The following GRM8 variants were observed in gnomAD, a reference collection of about 807,000 sequenced individuals.
GRM8 encodes glutamate metabotropic receptor 8.
Under a neutral mutation model 87.2 loss-of-function variants are expected in GRM8, and 47 were observed. The ratio of observed to expected loss-of-function variants is 0.54; its 90% CI spans 0.43 to 0.69. GRM8 has a LOEUF of 0.69. Among genes scored for constraint, GRM8 ranks in the 30% least tolerant of loss-of-function variants. The pLI is 0.00. For synonymous variants in GRM8, 396 were observed against 404.5 expected, an observed-to-expected ratio of 0.98 and a Z score of 0.25; for missense variants, 1,019 against 1,139.2, an observed-to-expected ratio of 0.89 and a Z score of 1.52.
intron 7 of GRM8, among the ~76,000 whole-genome samples, chr7:126,714,926 C>T (rs1193354205): frequency 6.6e-6 from 1 of 151,954 alleles, no homozygotes; most frequent in Non-Finnish European, 1.5e-5. Context: ...ATTCATAGAA[C>T]TGTATTGTAT....
intron 3 of GRM8, among the ~76,000 whole-genome samples, chr7:126,999,815 G>A (rs1317807834): frequency 6.6e-6 from 1 of 151,800 alleles, no homozygotes; most frequent in African/African-American, 2.4e-5. Context: ...AACTGCTATG[G>A]AGAACAGTGT....
intron 7 of GRM8, among the ~76,000 whole-genome samples, chr7:126,631,533 T>A (rs775508130): frequency 4.6e-5 from 7 of 151,808 alleles, no homozygotes; most frequent in Non-Finnish European, 7.4e-5. Context: ...AAAAAAACTA[T>A]CTTAAAATTG....
intron 9 of GRM8, among the ~76,000 whole-genome samples, chr7:126,474,381 A>G (rs1272971263): frequency 1.3e-5 from 2 of 151,836 alleles, no homozygotes; most frequent in African/African-American, 4.8e-5. Flanking sequence ...CAATCCTCTC[A>G]CCTCAGCCTC....
chr7:126,941,518 G>A (rs1476723594), intron 3 of GRM8, among the ~76,000 whole-genome samples: 9 of 151,326 alleles, frequency 5.9e-5, no homozygotes, highest in Non-Finnish European at 1.3e-4. Flanking sequence ...TACTTGGGAG[G>A]CTGAGGCAGG....
At chr7:126,929,314 G>A (rs959660748) in intron 3 of GRM8, among the ~76,000 whole-genome samples, 52 of 152,288 alleles carry the variant, frequency 3.4e-4, no homozygotes, top group African/African-American at 1.2e-3. Context: ...CTGCTATGAC[G>A]ACCACATTCT....
intron 3 of GRM8, among the ~76,000 whole-genome samples, chr7:127,044,854 C>CA (rs1270646636): frequency 2.0e-5 from 3 of 151,972 alleles, no homozygotes; most frequent in African/African-American, 4.8e-5. Flanking sequence ...CTTTAGTACA[C>CA]AAAAAAAGTA....
chr7:126,536,168 A>G (rs1323986658), intron 8 of GRM8, among the ~76,000 whole-genome samples: 1 of 152,274 alleles, frequency 6.6e-6, no homozygotes, highest in African/African-American at 2.4e-5. Flanking sequence ...ACCCAGGGAC[A>G]GCGACTGTAT....
chr7:126,802,167 G>C (rs898652948), intron 6 of GRM8, among the ~76,000 whole-genome samples: 1 of 152,166 alleles, frequency 6.6e-6, no homozygotes, highest in Non-Finnish European at 1.5e-5. Context: ...CCTCACATAT[G>C]TATGTCTTTT....
chr7:126,967,628 T>C (rs2131737379), intron 3 of GRM8, among the ~76,000 whole-genome samples: 1 of 152,160 alleles, frequency 6.6e-6, no homozygotes, highest in South Asian at 2.1e-4. Context: ...TAGGAAATCG[T>C]CTCTTCCATT....
At chr7:127,015,072 A>AAAGAAAGAAGGAGAAGAAGGAG (rs1815390493) in intron 3 of GRM8, among the ~76,000 whole-genome samples, 43 of 103,884 alleles carry the variant, frequency 4.1e-4, no homozygotes, top group Non-Finnish European at 7.5e-4. Flanking sequence ...AAGAAGAAAG[A>AAAGAAAGAAGGAGAAGAAGGAG]AAGAAGGAGA....
At chr7:126,687,767 C>G (rs1267080997) in intron 7 of GRM8, among the ~76,000 whole-genome samples, 1 of 151,264 alleles carries the variant, frequency 6.6e-6, no homozygotes, top group Non-Finnish European at 1.5e-5. Context: ...TATTCTGTTT[C>G]CTTTAAATTT....
intron 2 of GRM8, among the ~76,000 whole-genome samples, chr7:127,153,887 A>C (rs941178843): frequency 2.6e-5 from 4 of 152,154 alleles, no homozygotes; most frequent in Non-Finnish European, 4.4e-5. Flanking sequence ...CAACATATAC[A>C]TAAAGAAAAA....
At chr7:126,733,666 GA>G (rs1344143038) in intron 7 of GRM8, among the ~76,000 whole-genome samples, 3 of 151,766 alleles carry the variant, frequency 2.0e-5, no homozygotes, top group Non-Finnish European at 4.4e-5. Context: ...ATTAATAACG[GA>G]CAAAAATACA....
At chr7:126,823,313 G>C (rs916675486) in intron 6 of GRM8, among the ~76,000 whole-genome samples, 44 of 152,244 alleles carry the variant, frequency 2.9e-4, no homozygotes, top group African/African-American at 1.1e-3. Context: ...TGTTTAATTT[G>C]GTCCTCATTC....
intron 7 of GRM8, among the ~76,000 whole-genome samples, chr7:126,696,645 T>A (rs1809411955): frequency 6.6e-6 from 1 of 152,180 alleles, no homozygotes; most frequent in Non-Finnish European, 1.5e-5. Flanking sequence ...AATAAGAAAC[T>A]GGAACATGTT....
chr7:126,868,751 A>C (rs939446061), intron 6 of GRM8: 1 of 152,250 alleles, frequency 6.6e-6, no homozygotes, highest in Non-Finnish European at 1.5e-5. Context: ...AAAATACTTT[A>C]TTGCTAAAAA....
At chr7:126,565,425 T>C (rs938328691) in intron 8 of GRM8, among the ~76,000 whole-genome samples, 3 of 151,746 alleles carry the variant, frequency 2.0e-5, no homozygotes, top group Non-Finnish European at 4.4e-5. Context: ...TCTGAAAAAA[T>C]TGGGAAAACA....
chr7:127,197,409 G>A (rs886001), intron 2 of GRM8, among the ~76,000 whole-genome samples: 29,933 of 152,120 alleles, frequency 0.2, 3,357 homozygotes, highest in Middle Eastern at 0.31. Flanking sequence ...CAGAGGAGTT[G>A]CTAAGTTACT....
chr7:126,806,614 G>A (rs949849289), intron 6 of GRM8, among the ~76,000 whole-genome samples: 6 of 152,202 alleles, frequency 3.9e-5, no homozygotes, highest in Admixed American at 2.0e-4. Context: ...TGATTGGTAC[G>A]TTTACAATCC....
Sources: gnomAD v4.1 joint callset for allele counts (sites outside exome capture counted in the v4.1 genomes callset) on GRCh38, gnomAD v4.1.1 for gene constraint, MANE v1.5 for transcripts, NCBI Gene and HGNC (gene_info 2026-07-23, HGNC 2026-07-21) for gene names.